Variants in TOP3A observed in about 807,000 individuals in gnomAD.
TOP3A encodes the protein DNA topoisomerase III alpha, also known as DNA topoisomerase 3-alpha.
TOP3A carries 64 observed loss-of-function variants against 111.3 expected under a neutral mutation model. The observed-to-expected ratio is 0.57, with a 90% CI of 0.47 to 0.71. The LOEUF is 0.71. TOP3A is among the 30% of genes least tolerant of loss of function. The pLI is 0.00. For synonymous variants in TOP3A, 484 were observed against 485.1 expected (o/e 1.00, Z 0.03); for missense variants, 1,104 against 1,285.0 (o/e 0.86, Z 2.15).
chr17:18,310,017 A>C (rs1369110579), intron 1 of TOP3A, among the ~76,000 whole-genome samples: 1 of 152,000 alleles, frequency 6.6e-6, no homozygotes, highest in Non-Finnish European at 1.5e-5. Flanking sequence ...GCGAATGTCT[A>C]TAGAAGTTCT....
chr17:18,307,015 C>T, intron 3 of TOP3A, 49 bp from the exon 4 acceptor site: 1 of 1,361,488 alleles, frequency 7.3e-7, no homozygotes, highest in Non-Finnish European at 1.0e-6. Context: ...TGACAGAGAG[C>T]CCTCCAATCT....
intron 17 of TOP3A, 32 bp downstream of exon 17, chr17:18,280,504 G>C: frequency 2.5e-6 from 4 of 1,609,152 alleles, no homozygotes; most frequent in Non-Finnish European, 2.5e-6. Flanking sequence ...ACACACTCCA[G>C]AGGAGGCACC....
intron 4 of TOP3A, among the ~76,000 whole-genome samples, chr17:18,305,680 T>C (rs919886225): frequency 1.3e-5 from 2 of 150,966 alleles, no homozygotes; most frequent in Non-Finnish European, 2.9e-5. Flanking sequence ...CTACTAAAAA[T>C]ACAAAAAATT....
At chr17:18,283,201 C>T (rs533248445) in intron 15 of TOP3A, among the ~76,000 whole-genome samples, 1 of 152,246 alleles carries the variant, frequency 6.6e-6, no homozygotes, top group South Asian at 2.1e-4. Context: ...GAAACCCCGT[C>T]TCTACTAAAA....
chr17:18,275,078 G>A lies in TOP3A; in HGVS notation c.2828-98C>T, dbSNP rs115455459. ...TCATGCCTGTAATCCCAGCACTTTA[G>A]GAAGCTGAGGGAGGAGGATTGCTTG... On this transcript the variant is annotated intron_variant, in intron 18 of 18. Coordinates refer to ENST00000321105, the MANE Select transcript of TOP3A (RefSeq NM_004618.5). 3,295 of 1,476,010 alleles carry A rather than the reference G, an allele frequency of 2.2e-3. 60 individuals carry two copies. The African/African-American group carries it at 0.041, about 18-fold the overall frequency. 91.4% of individuals were successfully genotyped at this position (1,476,010 alleles called of 1,614,324 possible).
At chr17:18,286,505 G>T (rs1177466321) in intron 13 of TOP3A, among the ~76,000 whole-genome samples, 1 of 152,114 alleles carries the variant, frequency 6.6e-6, no homozygotes, top group Non-Finnish European at 1.5e-5. Flanking sequence ...AACAGAGCGA[G>T]ACTCCACCTC....
At chr17:18,283,140 C>T (rs1173512468) in intron 15 of TOP3A, among the ~76,000 whole-genome samples, 6 of 152,144 alleles carry the variant, frequency 3.9e-5, no homozygotes, top group Non-Finnish European at 5.9e-5. Context: ...CAGGCCGAGG[C>T]GGGCGGATCA....
rs1352488229 is a variant in TOP3A at position 18,301,291 on chromosome 17, T to C, written c.915+594A>G. ...GGTGGGTCCCAACTCTGCCACCAAC[T>C]GGCCTATGACCCGGGCCAGTCTTGC... is the stretch of plus-strand genomic sequence containing the variant. On this transcript the variant is annotated intron_variant, in intron 8 of 18. Transcript: ENST00000321105. Among the ~76,000 whole-genome samples the C allele has an allele frequency of 2.0e-5, 3 of 152,336 alleles. No individual in the cohort carries two copies. The South Asian group carries it at 6.2e-4, about 32-fold the overall frequency.
In TOP3A at chr17:18,299,558, C is replaced by T. The variant is rs751071439; in HGVS notation, c.990+1G>A. 3.1e-6 allele frequency: 5 copies of T among 1,613,934 alleles called. No homozygotes were observed. In the South Asian group the frequency reaches 4.4e-5, roughly 14 times the overall value. On this transcript the variant is annotated splice_donor_variant, in intron 9 of 18. Coordinates refer to ENST00000321105, the MANE Select transcript of TOP3A (RefSeq NM_004618.5). LOFTEE classifies it high-confidence loss of function. The stretch of plus-strand genomic sequence containing the variant: ...CCTGAAACAGCCTGTCTGGAACATA[C>T]CACAGTGTCCAAGGCTTGAGGCCGC...
chr17:18,307,599 AAAAATAAAT>A (rs1981655783), intron 3 of TOP3A: 1 of 151,524 alleles, frequency 6.6e-6, no homozygotes. Context: ...CTCCGTCTCA[AAAAATAAAT>A]AAAATAAATA....
chr17:18,274,758 G>C lies in TOP3A; in HGVS notation c.*44C>G. The C allele has an allele frequency of 6.3e-7, 1 of 1,577,812 alleles. No homozygotes were observed. Among genetic ancestry groups the C allele is most frequent in the Non-Finnish European group, 8.6e-7 (1 of 1,159,470 alleles). On this transcript the variant is annotated 3_prime_UTR_variant, in exon 19 of 19. Transcript: ENST00000321105. The stretch of plus-strand genomic sequence containing the variant: ...TGGTTAACTCATTTCTAAACACAAA[G>C]GGGACAGGTCTGAGAAAGTGGCGTT...
chr17:18,271,939 G>A lies in TOP3A; in HGVS notation c.*2863C>T. 6.7e-6 allele frequency: 2 copies of A among 296,548 alleles called. No homozygotes were observed. Among genetic ancestry groups the A allele is most frequent in the Non-Finnish European group, 1.3e-5 (2 of 150,656 alleles). The allele number at this position is 296,548 out of a possible 1,614,324, so 18.4% of individuals were successfully genotyped here. Reference sequence around the variant, plus strand: ...AAATTAGCTGGGTGTGGAGGCAGATGCCTGTAATTCCAGCTACTTGGGAGG... The same window carrying A: ...AAATTAGCTGGGTGTGGAGGCAGATACCTGTAATTCCAGCTACTTGGGAGG... On this transcript the variant is annotated 3_prime_UTR_variant, in exon 19 of 19. Coordinates refer to ENST00000321105, the MANE Select transcript of TOP3A (RefSeq NM_004618.5).
chr17:18,294,450 C>T (rs1980668984), intron 10 of TOP3A, among the ~76,000 whole-genome samples: 1 of 152,102 alleles, frequency 6.6e-6, no homozygotes, highest in East Asian at 1.9e-4. Context: ...CTGCCTCAGC[C>T]TCCCCAGTAG....
At chr17:18,277,589 C>A in intron 18 of TOP3A, 86 bp downstream of exon 18, 1 of 1,485,560 alleles carries the variant, frequency 6.7e-7, no homozygotes, top group Non-Finnish European at 9.1e-7. Flanking sequence ...CATGACCCTG[C>A]CTTGCCTTCT....
intron 1 of TOP3A, chr17:18,312,145 C>T (rs1401152465): frequency 6.6e-6 from 1 of 152,390 alleles, no homozygotes; most frequent in Admixed American, 6.5e-5. Context: ...CCAGTTCACC[C>T]AGGCCTCAGA....
chr17:18,295,695 G>T (rs1025680560), intron 9 of TOP3A, among the ~76,000 whole-genome samples: 4 of 151,946 alleles, frequency 2.6e-5, no homozygotes, highest in Non-Finnish European at 5.9e-5. Context: ...CTGACCTCAG[G>T]TGATCTGCCT....
In TOP3A at chr17:18,285,393, C is replaced by T; in HGVS notation, c.1711+14G>A. The stretch of plus-strand genomic sequence containing the variant: ...CACCACCCACTACCCACTGCAAGCT[C>T]TGTCCTCCCTTACCTTCCACAAGTC... On this transcript the variant is annotated intron_variant, in intron 14 of 18. Transcript: ENST00000321105. 14 of 1,614,018 alleles carry T rather than the reference C, an allele frequency of 8.7e-6. No individual in the cohort carries two copies. The highest frequency in any genetic ancestry group is 1.2e-5 in the Non-Finnish European group (14 of 1,179,950).
intron 9 of TOP3A, among the ~76,000 whole-genome samples, chr17:18,296,559 A>T (rs1039850418): frequency 7.2e-5 from 11 of 152,168 alleles, no homozygotes; most frequent in African/African-American, 2.7e-4. Context: ...CAGCCTGGCG[A>T]CAGAGCAAGA....
At chr17:18,300,586 C>T (rs559158213) in intron 8 of TOP3A, among the ~76,000 whole-genome samples, 2 of 151,724 alleles carry the variant, frequency 1.3e-5, no homozygotes, top group Non-Finnish European at 2.9e-5. Context: ...GGCAGTATCT[C>T]GTTCTGTCAC....
Sources: allele counts gnomAD v4.1 joint callset (sites outside exome capture counted in the v4.1 genomes callset), GRCh38; gene constraint gnomAD v4.1.1; transcripts MANE v1.5; gene names NCBI Gene and HGNC (gene_info 2026-07-23, HGNC 2026-07-21).